SNX30: variants seen among roughly 807,000 people sequenced by gnomAD.
SNX30 encodes sorting nexin family member 30.
A neutral mutation model predicts 46.4 loss-of-function variants in SNX30; 24 were observed. That is an observed-to-expected ratio of 0.52 (90% CI 0.37 to 0.73). The LOEUF is 0.73. Ranked by LOEUF, SNX30 falls within the 30% of genes least tolerant of loss-of-function variation. The pLI is 0.00. For synonymous variants in SNX30, 189 were observed against 211.5 expected, an observed-to-expected ratio of 0.89 and a Z score of 0.92; for missense variants, 533 against 555.7, an observed-to-expected ratio of 0.96 and a Z score of 0.41.
At chr9:112,771,262 C>T (rs1298503975) in intron 1 of SNX30, among the ~76,000 whole-genome samples, 12 of 152,060 alleles carry the variant, frequency 7.9e-5, no homozygotes, top group East Asian at 1.9e-4. Flanking sequence ...TAAATGGACC[C>T]GTGCTAAATG....
Position 112,782,378 on chromosome 9 carries a change from T to C in SNX30, c.157-22398T>C, listed in dbSNP as rs1188287674. ...ACCATGCCCTGCCATAAAGTTTTAT[T>C]AGAACATAACCATCCTCATTTGTTT... On this transcript the variant is annotated intron_variant, in intron 1 of 8. Transcript: ENST00000374232. Among the ~76,000 whole-genome samples the C allele has an allele frequency of 2.0e-5, 3 of 152,334 alleles. No homozygotes were observed. The East Asian group carries it at 5.8e-4, about 29-fold the overall frequency.
chr9:112,850,073 C>T (rs1840999193), intron 6 of SNX30, among the ~76,000 whole-genome samples: 1 of 152,212 alleles, frequency 6.6e-6, no homozygotes. Flanking sequence ...CATTCACTGT[C>T]AGGTGCCAAC....
At chr9:112,822,186 T>C (rs371714800) in intron 3 of SNX30, among the ~76,000 whole-genome samples, 1 of 152,152 alleles carries the variant, frequency 6.6e-6, no homozygotes, top group South Asian at 2.1e-4. Flanking sequence ...AGTGCTGGGA[T>C]TACAGGCATG....
chr9:112,828,734 A>G (rs922980952), intron 3 of SNX30, among the ~76,000 whole-genome samples: 3 of 152,192 alleles, frequency 2.0e-5, no homozygotes, highest in Non-Finnish European at 4.4e-5. Context: ...ATTATGCTTT[A>G]TGACTTTGAG....
chr9:112,869,874 G>A lies in SNX30; in HGVS notation c.*1031G>A, dbSNP rs1338989763. Reference sequence around the variant, plus strand: ...GGGCGAGCTTTTGGTGAGAGGGCTGGTATGTCATGTTGTTATGATACAGTC... The same window carrying A: ...GGGCGAGCTTTTGGTGAGAGGGCTGATATGTCATGTTGTTATGATACAGTC... On this transcript the variant is annotated 3_prime_UTR_variant, in exon 9 of 9. Transcript: ENST00000374232. 6.6e-6 allele frequency: 1 copy of A among 152,158 alleles called. No homozygotes were observed. The highest frequency in any genetic ancestry group is 1.5e-5 in the Non-Finnish European group (1 of 68,032). 9.4% of individuals were successfully genotyped at this position (152,158 alleles called of 1,614,324 possible). A position where few individuals can be genotyped will look rare whatever the true frequency, so the allele number is the denominator to read the frequency against.
chr9:112,850,228 A>G (rs1011824846), intron 6 of SNX30, among the ~76,000 whole-genome samples: 1 of 152,180 alleles, frequency 6.6e-6, no homozygotes, highest in Non-Finnish European at 1.5e-5. Flanking sequence ...GCATGGTTCT[A>G]GGAATTCTGG....
intron 7 of SNX30, among the ~76,000 whole-genome samples, chr9:112,854,093 C>T (rs554046155): frequency 7.9e-4 from 120 of 152,326 alleles, no homozygotes; most frequent in African/African-American, 2.8e-3. Flanking sequence ...CTGATGCTGT[C>T]ATTTAATATG....
At chr9:112,760,140 G>A (rs1048190768) in intron 1 of SNX30, among the ~76,000 whole-genome samples, 2 of 152,150 alleles carry the variant, frequency 1.3e-5, no homozygotes, top group African/African-American at 4.8e-5. Context: ...GTGGTAAATT[G>A]ACCCAGAGAG....
chr9:112,838,599 G>A lies in SNX30; in HGVS notation c.916G>A (p.Gly306Arg). ...EPLEGVSACI[G>R]NCSTALEELT... ...CCTGGAGGGTGTGTCAGCTTGCATT[G>A]GGAACTGCTCTACAGCCTTAGAAGA... Residue 306 changes from glycine (G) to arginine (R), a missense_variant, in exon 6 of 9, where the codon GGG becomes AGG. Physicochemically the swap from Gly to Arg is moderately radical, Grantham distance 125 (BLOSUM62 -2). Coordinates refer to ENST00000374232, the MANE Select transcript of SNX30 (RefSeq NM_001012994.2). 1 of 1,614,184 alleles carries A rather than the reference G, an allele frequency of 6.2e-7. No individual in the cohort carries two copies. The highest frequency in any genetic ancestry group is 8.5e-7 in the Non-Finnish European group (1 of 1,180,018).
intron 1 of SNX30, among the ~76,000 whole-genome samples, chr9:112,761,945 A>G (rs79135094): frequency 2.6e-5 from 4 of 152,276 alleles, no homozygotes; most frequent in East Asian, 3.9e-4. Context: ...CATATTGACA[A>G]TAAAGTAGGG....
intron 3 of SNX30, among the ~76,000 whole-genome samples, chr9:112,826,048 G>T (rs1247234284): frequency 1.3e-5 from 2 of 152,132 alleles, no homozygotes; most frequent in African/African-American, 2.4e-5. Context: ...TCTGAAGAAT[G>T]GACCCCTATT....
intron 1 of SNX30, among the ~76,000 whole-genome samples, chr9:112,759,432 T>A (rs1177876620): frequency 1.3e-5 from 2 of 152,078 alleles, no homozygotes; most frequent in African/African-American, 2.4e-5. Context: ...ACTTCCTGTT[T>A]TAAGGTGTGC....
intron 2 of SNX30, among the ~76,000 whole-genome samples, chr9:112,817,401 C>CTTTTTGTTTTTTTTT (rs1840414635): frequency 2.1e-5 from 1 of 46,832 alleles, no homozygotes; most frequent in African/African-American, 9.7e-5. Flanking sequence ...AAAAAACTGG[C>CTTTTTGTTTTTTTTT]TTTTTTTTTT....
chr9:112,845,352 C>A (rs554656354), intron 6 of SNX30, among the ~76,000 whole-genome samples: 79 of 152,214 alleles, frequency 5.2e-4, no homozygotes, highest in Non-Finnish European at 1.0e-3. Flanking sequence ...GTTTACACCG[C>A]GGAACCCTCC....
chr9:112,767,806 T>C (rs893461049), intron 1 of SNX30, among the ~76,000 whole-genome samples: 5 of 152,024 alleles, frequency 3.3e-5, no homozygotes, highest in African/African-American at 1.2e-4. Context: ...CCCTATGTTG[T>C]CCATGCTGGT....
intron 2 of SNX30, among the ~76,000 whole-genome samples, chr9:112,811,675 T>C (rs1840322573): frequency 6.6e-6 from 1 of 152,198 alleles, no homozygotes; most frequent in African/African-American, 2.4e-5. Context: ...TTCTTGTGCT[T>C]GGTCACCTGT....
intron 1 of SNX30, among the ~76,000 whole-genome samples, chr9:112,792,969 C>A (rs1588118017): frequency 6.6e-6 from 1 of 150,868 alleles, no homozygotes; most frequent in Non-Finnish European, 1.5e-5. Flanking sequence ...TTTTCAAATG[C>A]ATGTTTATCT....
chr9:112,753,646 G>A (rs1009283810), intron 1 of SNX30, among the ~76,000 whole-genome samples: 3 of 152,252 alleles, frequency 2.0e-5, no homozygotes, highest in Non-Finnish European at 2.9e-5. Context: ...GCCTCCCAAA[G>A]TGCTGGGATT....
At chr9:112,811,614 G>A (rs1182835966) in intron 2 of SNX30, among the ~76,000 whole-genome samples, 1 of 152,210 alleles carries the variant, frequency 6.6e-6, no homozygotes. Flanking sequence ...TCCACGTGGA[G>A]TGATGGTGTT....
Sources: allele counts gnomAD v4.1 joint callset (sites outside exome capture counted in the v4.1 genomes callset), GRCh38; gene constraint gnomAD v4.1.1; transcripts MANE v1.5; gene names NCBI Gene and HGNC (gene_info 2026-07-23, HGNC 2026-07-21).